KHDRBS2: variants seen among roughly 807,000 people sequenced by gnomAD.
The protein encoded by KHDRBS2 is KH domain-containing, RNA-binding, signal transduction-associated protein 2.
In KHDRBS2, 26 loss-of-function variants were observed where a neutral mutation model predicts 44.3. That is an observed-to-expected ratio of 0.59 (90% CI 0.43 to 0.81). The LOEUF is 0.81. KHDRBS2 is among the 40% of genes least tolerant of loss of function. The probability of loss-of-function intolerance (pLI) is 0.00; values close to 1 mark genes in which losing one functional copy is unlikely to be tolerated. For missense variants in KHDRBS2, 476 were observed against 433.1 expected (o/e 1.10, Z -0.88); for synonymous variants, 194 against 151.1 (o/e 1.28, Z -2.08).
At chr6:62,184,774 T>C (rs1375872700) in intron 1 of KHDRBS2, among the ~76,000 whole-genome samples, 2 of 151,930 alleles carry the variant, frequency 1.3e-5, no homozygotes, top group Non-Finnish European at 2.9e-5. Flanking sequence ...CTTTTCATCA[T>C]ATTTACAACT....
chr6:61,901,479 C>A (rs1412030140), intron 4 of KHDRBS2, 108 bp from the exon 5 acceptor site: 25 of 854,838 alleles, frequency 2.9e-5, no homozygotes, highest in Non-Finnish European at 4.1e-5. Context: ...TAATTTTTTT[C>A]ATTTGTTTCC....
chr6:61,615,072 A>C, the KHDRBS2 span, among the ~76,000 whole-genome samples: 1 of 151,708 alleles, frequency 6.6e-6, no homozygotes, highest in Admixed American at 6.6e-5. Flanking sequence ...CTTTCTACTA[A>C]AAATACAAAA....
chr6:62,168,948 T>A (rs1484347331), intron 2 of KHDRBS2, among the ~76,000 whole-genome samples: 1 of 148,036 alleles, frequency 6.8e-6, no homozygotes, highest in East Asian at 2.0e-4. Flanking sequence ...ATGTTAAAAT[T>A]TGAAAGAAAT....
At chr6:61,996,009 T>C (rs1172950020) in intron 3 of KHDRBS2, among the ~76,000 whole-genome samples, 1 of 152,186 alleles carries the variant, frequency 6.6e-6, no homozygotes, top group Non-Finnish European at 1.5e-5. Context: ...GATCATCTAA[T>C]AACACTGGTG....
chr6:61,868,859 C>T (rs552081552), intron 6 of KHDRBS2, among the ~76,000 whole-genome samples: 8 of 152,236 alleles, frequency 5.3e-5, no homozygotes, highest in South Asian at 2.1e-4. Context: ...TCGCCTTTTC[C>T]GGGGATCCTT....
chr6:62,045,736 A>G (rs1787530650), intron 3 of KHDRBS2, among the ~76,000 whole-genome samples: 1 of 152,136 alleles, frequency 6.6e-6, no homozygotes, highest in African/African-American at 2.4e-5. Context: ...TAGAAAAAAC[A>G]AAATTATGTA....
intron 6 of KHDRBS2, among the ~76,000 whole-genome samples, chr6:61,870,451 G>A (rs1798502884): frequency 1.3e-5 from 2 of 152,118 alleles, no homozygotes; most frequent in African/African-American, 2.4e-5. Flanking sequence ...GGGAAGGAGC[G>A]GCTGTGGGTG....
chr6:62,130,828 C>A (rs1362523875), intron 2 of KHDRBS2, among the ~76,000 whole-genome samples: 1 of 151,938 alleles, frequency 6.6e-6, no homozygotes, highest in African/African-American at 2.4e-5. Context: ...TCAAATATCT[C>A]ATGCAATGTA....
At chr6:61,769,818 T>C (rs1780575951) in intron 6 of KHDRBS2, among the ~76,000 whole-genome samples, 1 of 152,208 alleles carries the variant, frequency 6.6e-6, no homozygotes, top group Non-Finnish European at 1.5e-5. Context: ...TGTCCCTCTC[T>C]GACAGCTTTG....
At chr6:61,618,461 C>T in the KHDRBS2 span, among the ~76,000 whole-genome samples, 1 of 152,038 alleles carries the variant, frequency 6.6e-6, no homozygotes, top group Non-Finnish European at 1.5e-5. Context: ...ATGTATTTGT[C>T]TATTTATTTT....
intron 1 of KHDRBS2, among the ~76,000 whole-genome samples, chr6:62,264,711 G>A (rs904249985): frequency 6.6e-6 from 1 of 151,434 alleles, no homozygotes; most frequent in African/African-American, 2.4e-5. Flanking sequence ...ACATCATTCC[G>A]ACTGCCTTTC....
At chr6:61,548,764 A>G in the KHDRBS2 span, among the ~76,000 whole-genome samples, 4 of 152,166 alleles carry the variant, frequency 2.6e-5, no homozygotes, top group Non-Finnish European at 5.9e-5. Context: ...CACCACAGAT[A>G]AGTTCTGGTT....
chr6:61,719,251 A>G (rs1771954841), intron 7 of KHDRBS2, among the ~76,000 whole-genome samples: 2 of 152,158 alleles, frequency 1.3e-5, no homozygotes, highest in African/African-American at 4.8e-5. Flanking sequence ...AGAATCAAAG[A>G]TCTGAATTGG....
At chr6:62,251,737 C>T (rs921131636) in intron 1 of KHDRBS2, among the ~76,000 whole-genome samples, 1 of 151,858 alleles carries the variant, frequency 6.6e-6, no homozygotes, top group Non-Finnish European at 1.5e-5. Context: ...ATACCTAACA[C>T]TACATTTGAT....
At chr6:61,846,147 A>G (rs567514375) in intron 6 of KHDRBS2, among the ~76,000 whole-genome samples, 1 of 152,324 alleles carries the variant, frequency 6.6e-6, no homozygotes, top group Admixed American at 6.5e-5. Flanking sequence ...CTTCACCTGT[A>G]CAGCCTGCAG....
At chr6:61,628,499 T>A in the KHDRBS2 span, among the ~76,000 whole-genome samples, 4 of 152,148 alleles carry the variant, frequency 2.6e-5, no homozygotes, top group Admixed American at 2.0e-4. Flanking sequence ...TTCAACCTTA[T>A]CTTCTCTTCC....
At chr6:62,079,749 T>G (rs946624486) in intron 2 of KHDRBS2, among the ~76,000 whole-genome samples, 3 of 152,058 alleles carry the variant, frequency 2.0e-5, no homozygotes, top group African/African-American at 7.2e-5. Flanking sequence ...CTAATGCCTC[T>G]GCTAAGAGGG....
chr6:61,807,805 G>A (rs1195353452), intron 6 of KHDRBS2, among the ~76,000 whole-genome samples: 6 of 151,990 alleles, frequency 3.9e-5, no homozygotes, highest in Non-Finnish European at 7.4e-5. Context: ...AGCTGCACAT[G>A]TACCCCTGAA....
intron 3 of KHDRBS2, among the ~76,000 whole-genome samples, chr6:62,030,364 G>C (rs1784127452): frequency 6.6e-6 from 1 of 151,938 alleles, no homozygotes; most frequent in Non-Finnish European, 1.5e-5. Context: ...GTTTGAAAAT[G>C]CCACAGCTAA....
Sources: allele counts gnomAD v4.1 joint callset (sites outside exome capture counted in the v4.1 genomes callset), GRCh38; gene constraint gnomAD v4.1.1; transcripts MANE v1.5; gene names NCBI Gene and HGNC (gene_info 2026-07-23, HGNC 2026-07-21).